The following AHCYL1 variants were observed in gnomAD, a reference collection of about 807,000 sequenced individuals.
AHCYL1 encodes adenosylhomocysteinase like 1, also known as S-adenosylhomocysteine hydrolase-like protein 1.
AHCYL1 carries 20 observed loss-of-function variants against 79.3 expected under a neutral mutation model. The observed-to-expected ratio is 0.25, with a 90% CI of 0.18 to 0.37. AHCYL1 has a LOEUF of 0.37. AHCYL1 is among the 10% of genes least tolerant of loss of function. The probability of loss-of-function intolerance (pLI) is 1.00; values close to 1 mark genes in which losing one functional copy is unlikely to be tolerated. For missense variants in AHCYL1, 330 were observed against 673.6 expected (o/e 0.49, Z 5.65); for synonymous variants, 223 against 242.2 (o/e 0.92, Z 0.74).
Position 110,012,264 on chromosome 1 carries a change from T to G in AHCYL1, c.377-98T>G, listed in dbSNP as rs1433755408. 8 of 1,037,488 alleles carry G rather than the reference T, an allele frequency of 7.7e-6. No homozygotes were observed. In the Admixed American group the frequency reaches 1.7e-4, roughly 22 times the overall value. 64.3% of individuals were successfully genotyped at this position (1,037,488 alleles called of 1,614,324 possible). A position where few individuals can be genotyped will look rare whatever the true frequency, so the allele number is the denominator to read the frequency against. ...GAAATAGGCTTAAAGTTTTTCTGCC[T>G]CATCTCACCATATCTCAACAGATCC... On this transcript the variant is annotated intron_variant, in intron 3 of 16. Transcript: ENST00000369799.
intron 1 of AHCYL1, among the ~76,000 whole-genome samples, chr1:110,005,729 G>T (rs926699071): frequency 6.6e-6 from 1 of 151,278 alleles, no homozygotes. Context: ...TAGGATGTGT[G>T]TTTATGAAAG....
At chr1:110,015,572 C>T (rs1557773852) in intron 7 of AHCYL1, 41 bp downstream of exon 7, 1 of 1,521,678 alleles carries the variant, frequency 6.6e-7, no homozygotes, top group Non-Finnish European at 9.1e-7. Flanking sequence ...GTCCTTGCCT[C>T]AGCAAACTCT....
At chr1:110,016,519 A>C in intron 8 of AHCYL1, 59 bp downstream of exon 8, 1 of 1,571,056 alleles carries the variant, frequency 6.4e-7, no homozygotes. Context: ...TTTGGCTTTA[A>C]AAGTTTATTA....
At chr1:109,986,803 C>G (rs1557757070) in intron 1 of AHCYL1, among the ~76,000 whole-genome samples, 1 of 152,172 alleles carries the variant, frequency 6.6e-6, no homozygotes, top group Non-Finnish European at 1.5e-5. Flanking sequence ...TCCAGTGTGC[C>G]TAGCTTTGTA....
At chr1:109,987,600 T>G (rs893651711) in intron 1 of AHCYL1, among the ~76,000 whole-genome samples, 1 of 152,242 alleles carries the variant, frequency 6.6e-6, no homozygotes, top group Non-Finnish European at 1.5e-5. Flanking sequence ...TCATTTTGTT[T>G]GCTTTGTTTG....
Position 109,985,127 on chromosome 1 carries a change from C to T in AHCYL1, c.75C>T (p.Ala25=), listed in dbSNP as rs1649396107. ...ELKQAKEIED[A]EKYSFMATVT... is the part of the protein sequence containing the mutation. ...AGCAGGCCAAGGAGATCGAGGACGC[C>T]GAGAAGTACTCCTTCATGGCCACCG... Residue 25 remains alanine, a synonymous_variant, in exon 1 of 17, where the codon GCC becomes GCT. Transcript: ENST00000369799. 3.1e-6 allele frequency: 5 copies of T among 1,611,354 alleles called. No individual in the cohort carries two copies. Among genetic ancestry groups the T allele is most frequent in the Non-Finnish European group, 4.2e-6 (5 of 1,179,166 alleles).
intron 1 of AHCYL1, among the ~76,000 whole-genome samples, chr1:110,007,910 A>C (rs528677030): frequency 6.6e-6 from 1 of 152,326 alleles, no homozygotes; most frequent in Admixed American, 6.5e-5. Flanking sequence ...ACACTTTATA[A>C]ATCTATAAAT....
chr1:110,019,234 A>C, intron 14 of AHCYL1, 115 bp downstream of exon 14: 1 of 1,112,864 alleles, frequency 9.0e-7, no homozygotes, highest in Non-Finnish European at 1.3e-6. Context: ...TTTTTGATGT[A>C]ATAAATTGTG....
At chr1:109,996,774 T>C (rs1316554257) in intron 1 of AHCYL1, among the ~76,000 whole-genome samples, 1 of 152,218 alleles carries the variant, frequency 6.6e-6, no homozygotes, top group Non-Finnish European at 1.5e-5. Flanking sequence ...CTCTATCATA[T>C]TCTTATGGAA....
In AHCYL1 at chr1:110,021,640, A is replaced by G. The variant is rs373326969; in HGVS notation, c.1587-34A>G. ...TTTTTGGAATTCTCATATGGAAGAC[A>G]TAAGTGTTAACCAATCACTCTCTCT... On this transcript the variant is annotated intron_variant, in intron 16 of 16. Transcript: ENST00000369799. 1.5e-5 allele frequency: 24 copies of G among 1,608,538 alleles called. No homozygotes were observed. In the African/African-American group the frequency reaches 2.0e-4, roughly 13 times the overall value.
intron 1 of AHCYL1, among the ~76,000 whole-genome samples, chr1:109,999,586 G>C (rs1291741349): frequency 1.3e-5 from 2 of 152,054 alleles, no homozygotes; most frequent in Non-Finnish European, 2.9e-5. Flanking sequence ...TCAGTAATCA[G>C]ATATCATGTT....
At chr1:110,004,218 A>T in intron 1 of AHCYL1, 15 of 985,598 alleles carry the variant, frequency 1.5e-5, no homozygotes, top group Non-Finnish European at 1.8e-5. Flanking sequence ...GCGGGGGAAG[A>T]TATGTGCTGA....
chr1:110,006,784 A>T (rs1462168824), intron 1 of AHCYL1, among the ~76,000 whole-genome samples: 1 of 152,240 alleles, frequency 6.6e-6, no homozygotes, highest in Non-Finnish European at 1.5e-5. Flanking sequence ...CCAGGTTTTC[A>T]TGCATCTTTG....
intron 1 of AHCYL1, chr1:109,985,435 T>C (rs1649418371): frequency 1.7e-6 from 2 of 1,177,766 alleles, no homozygotes; most frequent in Non-Finnish European, 2.1e-6. Context: ...TGCGACTGAC[T>C]TTTCCTGGAT....
chr1:110,011,366 A>T lies in AHCYL1; in HGVS notation c.376+9A>T. On this transcript the variant is annotated intron_variant, in intron 3 of 16. Coordinates refer to ENST00000369799, the MANE Select transcript of AHCYL1 (RefSeq NM_006621.7). ...TGAGATTGCAGAGCAAGGTAAAGAAAGGGAGTGGGTTAGGGGACCAGAAAC... is the reference window on the plus strand; with the variant it reads ...TGAGATTGCAGAGCAAGGTAAAGAATGGGAGTGGGTTAGGGGACCAGAAAC... 1 of 1,613,814 alleles carries T rather than the reference A, an allele frequency of 6.2e-7. No homozygotes were observed. Among genetic ancestry groups the T allele is most frequent in the Non-Finnish European group, 8.5e-7 (1 of 1,179,866 alleles).
chr1:110,020,294 A>G (rs948691359), intron 15 of AHCYL1, among the ~76,000 whole-genome samples: 1 of 152,178 alleles, frequency 6.6e-6, no homozygotes, highest in Non-Finnish European at 1.5e-5. Flanking sequence ...AGATCCATGG[A>G]TCTTATCCTA....
intron 1 of AHCYL1, among the ~76,000 whole-genome samples, chr1:109,997,233 G>A (rs1650078297): frequency 6.6e-6 from 1 of 152,208 alleles, no homozygotes; most frequent in Admixed American, 6.5e-5. Context: ...TTTATGTTAT[G>A]AATTCCTAGA....
intron 3 of AHCYL1, among the ~76,000 whole-genome samples, 167 bp downstream of exon 3, chr1:110,011,524 G>T (rs1338684643): frequency 6.6e-6 from 1 of 152,132 alleles, no homozygotes; most frequent in Non-Finnish European, 1.5e-5. Flanking sequence ...TTAAGTCTTG[G>T]GATTTTGTTC....
At chr1:109,987,512 G>C (rs1357132003) in intron 1 of AHCYL1, among the ~76,000 whole-genome samples, 2 of 152,160 alleles carry the variant, frequency 1.3e-5, no homozygotes, top group East Asian at 3.8e-4. Flanking sequence ...GATGCCAGAG[G>C]ATATAGGTTA....
Sources: gnomAD v4.1 joint callset for allele counts (sites outside exome capture counted in the v4.1 genomes callset) on GRCh38, gnomAD v4.1.1 for gene constraint, MANE v1.5 for transcripts, NCBI Gene and HGNC (gene_info 2026-07-23, HGNC 2026-07-21) for gene names.